PPA2: variants seen among roughly 807,000 people sequenced by gnomAD.
PPA2 encodes inorganic pyrophosphatase 2, mitochondrial.
A neutral mutation model predicts 49.5 loss-of-function variants in PPA2; 48 were observed. That is an observed-to-expected ratio of 0.97 (90% CI 0.77 to 1.23). The LOEUF (loss-of-function observed/expected upper bound fraction) is 1.23, where lower values mean the gene tolerates loss of function less well. Among genes scored for constraint, PPA2 ranks in the 50% most tolerant of loss-of-function variants. The pLI, the probability that PPA2 is intolerant of heterozygous loss-of-function variation, is 0.00. For missense variants in PPA2, 429 were observed against 410.1 expected (o/e 1.05, Z -0.40); for synonymous variants, 131 against 139.9 (o/e 0.94, Z 0.45).
At chr4:105,394,373 CAAAAAAA>C (rs34736301) in intron 9 of PPA2, among the ~76,000 whole-genome samples, 46 of 96,902 alleles carry the variant, frequency 4.7e-4, no homozygotes, top group Admixed American at 2.3e-3. Flanking sequence ...GATTCCATTT[CAAAAAAA>C]AAAAAAAAAA....
In PPA2 at chr4:105,455,533, G is replaced by A. The variant is rs113843976; in HGVS notation, c.222+1148C>T. ...GATGATGGACAAGGTACTTAGCCTC[G>A]TTAACAAAATAAGGGTACTAAATGT... is the stretch of plus-strand genomic sequence containing the variant. On this transcript the variant is annotated intron_variant, in intron 2 of 11. Transcript: ENST00000341695. 2.1e-3 allele frequency among the ~76,000 whole-genome samples: 316 copies of A among 152,182 alleles called. 5 individuals are homozygous for A. Among genetic ancestry groups the A allele is most frequent in the African/African-American group, 7.3e-3 (303 of 41,520 alleles).
chr4:105,383,189 T>C (rs536264674), intron 10 of PPA2, among the ~76,000 whole-genome samples: 1 of 152,292 alleles, frequency 6.6e-6, no homozygotes, highest in South Asian at 2.1e-4. Flanking sequence ...TGATCATGTA[T>C]AGTTCAAACA....
intron 9 of PPA2, among the ~76,000 whole-genome samples, chr4:105,390,099 G>T (rs1212673220): frequency 1.3e-5 from 2 of 152,090 alleles, no homozygotes; most frequent in African/African-American, 4.8e-5. Flanking sequence ...GGGAAAACTG[G>T]CTATCCATAT....
intron 7 of PPA2, among the ~76,000 whole-genome samples, chr4:105,409,863 C>T (rs1722670601): frequency 6.6e-6 from 1 of 152,176 alleles, no homozygotes. Flanking sequence ...GGAATAGCAT[C>T]AACATCAACA....
intron 4 of PPA2, among the ~76,000 whole-genome samples, 163 bp from the exon 5 acceptor site, chr4:105,446,665 A>AT (rs1722398771): frequency 6.6e-6 from 1 of 152,218 alleles, no homozygotes; most frequent in Non-Finnish European, 1.5e-5. Context: ...CTTATTACTA[A>AT]TTTATAGCAC....
intron 2 of PPA2, 43 bp downstream of exon 2, chr4:105,456,638 T>C (rs764595420): frequency 4.8e-6 from 7 of 1,469,286 alleles, no homozygotes; most frequent in East Asian, 2.3e-5. Flanking sequence ...ATGGTGATAC[T>C]GGCAGTACAC....
chr4:105,389,848 T>C (rs1417152581), intron 9 of PPA2, among the ~76,000 whole-genome samples: 2 of 152,096 alleles, frequency 1.3e-5, no homozygotes, highest in Non-Finnish European at 2.9e-5. Flanking sequence ...AGAATGACAA[T>C]AATTTTAGAC....
chr4:105,371,578 T>C (rs1292947980), intron 10 of PPA2, among the ~76,000 whole-genome samples: 1 of 152,110 alleles, frequency 6.6e-6, no homozygotes, highest in Non-Finnish European at 1.5e-5. Context: ...TACCCTACCC[T>C]GATTTTATAA....
At chr4:105,453,394 C>A (rs368681011) in intron 3 of PPA2, among the ~76,000 whole-genome samples, 166 of 152,068 alleles carry the variant, frequency 1.1e-3, no homozygotes, top group African/African-American at 3.8e-3. Flanking sequence ...AAATGGTAAA[C>A]CTTATGTTAT....
At chr4:105,473,637 C>G in intron 1 of PPA2, 3 of 721,860 alleles carry the variant, frequency 4.2e-6, no homozygotes, top group South Asian at 4.1e-5. Context: ...GCACAGGGCG[C>G]TATCTACCCC....
chr4:105,464,268 T>C (rs1723209524), intron 1 of PPA2, among the ~76,000 whole-genome samples: 1 of 152,250 alleles, frequency 6.6e-6, no homozygotes, highest in African/African-American at 2.4e-5. Context: ...TGCTGGATTC[T>C]GGACTTGTAT....
intron 10 of PPA2, among the ~76,000 whole-genome samples, chr4:105,386,156 C>T (rs959406515): frequency 3.3e-5 from 5 of 152,034 alleles, no homozygotes; most frequent in Non-Finnish European, 5.9e-5. Context: ...GCTGGGATTA[C>T]GGGAAGGAGC....
chr4:105,461,079 G>T (rs1235242191), intron 1 of PPA2, among the ~76,000 whole-genome samples: 2 of 152,026 alleles, frequency 1.3e-5, no homozygotes, highest in Admixed American at 1.3e-4. Flanking sequence ...TGCTTTAATG[G>T]GCAATATATC....
At chr4:105,456,844 C>T (rs949367150) in intron 1 of PPA2, 99 bp from the exon 2 acceptor site, 28 of 941,148 alleles carry the variant, frequency 3.0e-5, no homozygotes, top group East Asian at 6.0e-5. Context: ...TTTAAACTTA[C>T]GCATTTTTTA....
rs188815035 is a variant in PPA2 at position 105,433,448 on chromosome 4, C to A, written c.528+4502G>T. Among the ~76,000 whole-genome samples, 24 of 152,256 alleles carry A rather than the reference C, an allele frequency of 1.6e-4. 1 individual carries two copies. In the South Asian group the frequency reaches 5.0e-3, roughly 32 times the overall value. Reference sequence around the variant, plus strand: ...ACTCCCATTTGAAAAATTACAGAAACGATGGCTCTGGAGATGGAAAATGGG... The same window carrying A: ...ACTCCCATTTGAAAAATTACAGAAAAGATGGCTCTGGAGATGGAAAATGGG... On this transcript the variant is annotated intron_variant, in intron 6 of 11. Transcript: ENST00000341695.
At position 105,424,297 on chromosome 4, in the gene PPA2, T is replaced by A. The variant is rs770770538; in HGVS notation, c.554A>T (p.His185Leu). ...SKILSCGEVI[H>L]VKILGILALI... ...AGCCAAAATTCCAAGGATCTTCACA[T>A]GAATAACTTCTCCACAAGAAAGAAT... The change falls in exon 7 of 12, where the codon CAT (histidine) becomes CTT (leucine). Residue 185 changes from histidine to leucine, a missense_variant. His to Leu is a moderately conservative substitution (Grantham distance 99). Transcript: ENST00000341695. The A allele has an allele frequency of 6.3e-7, 1 of 1,599,484 alleles. No homozygotes were observed. Among genetic ancestry groups the A allele is most frequent in the East Asian group, 2.2e-5 (1 of 44,560 alleles).
At chr4:105,438,359 T>C (rs1724166815) in intron 5 of PPA2, among the ~76,000 whole-genome samples, 1 of 152,228 alleles carries the variant, frequency 6.6e-6, no homozygotes, top group South Asian at 2.1e-4. Context: ...ATGTTCCCAC[T>C]GTCTGTGCCC....
At chr4:105,390,956 C>A (rs1039525744) in intron 9 of PPA2, among the ~76,000 whole-genome samples, 3 of 152,000 alleles carry the variant, frequency 2.0e-5, no homozygotes, top group African/African-American at 7.3e-5. Flanking sequence ...CAGTGATGGA[C>A]TGGATAAAGA....
intron 10 of PPA2, among the ~76,000 whole-genome samples, chr4:105,376,334 GGAT>G (rs1733249286): frequency 6.6e-6 from 1 of 152,156 alleles, no homozygotes; most frequent in East Asian, 1.9e-4. Context: ...ACAACACTAT[GGAT>G]ACTGTTGCTT....
Sources: allele counts gnomAD v4.1 joint callset (sites outside exome capture counted in the v4.1 genomes callset), GRCh38; gene constraint gnomAD v4.1.1; transcripts MANE v1.5; gene names NCBI Gene and HGNC (gene_info 2026-07-23, HGNC 2026-07-21).